The following PHACTR3 variants were observed in gnomAD, a reference collection of about 807,000 sequenced individuals.
The protein encoded by PHACTR3 is protein phosphatase 1, regulatory subunit 123.
A neutral mutation model predicts 66.8 loss-of-function variants in PHACTR3; 16 were observed. The ratio of observed to expected loss-of-function variants is 0.24; its 90% CI spans 0.16 to 0.36. The LOEUF is 0.36. Among genes scored for constraint, PHACTR3 ranks in the 10% least tolerant of loss-of-function variants. PHACTR3 has a pLI of 1.00. For missense variants in PHACTR3, 647 were observed against 719.9 expected (o/e 0.90, Z 1.16); for synonymous variants, 323 against 292.1 (o/e 1.11, Z -1.08).
chr20:59,786,450 T>A (rs778170491), intron 7 of PHACTR3, among the ~76,000 whole-genome samples: 2 of 152,156 alleles, frequency 1.3e-5, no homozygotes, highest in Admixed American at 6.5e-5. Context: ...CCTCTCTCTT[T>A]AAGATGAGCA....
chr20:59,593,799 A>T (rs1283194532), intron 1 of PHACTR3, among the ~76,000 whole-genome samples: 1 of 152,224 alleles, frequency 6.6e-6, no homozygotes, highest in African/African-American at 2.4e-5. Flanking sequence ...TTTGTCAAAA[A>T]TCAGTTGACT....
intron 8 of PHACTR3, among the ~76,000 whole-genome samples, chr20:59,814,647 C>G (rs1229779223): frequency 2.6e-5 from 4 of 152,254 alleles, no homozygotes; most frequent in Admixed American, 2.6e-4. Context: ...CCATTTTCTT[C>G]TACACTATCT....
intron 12 of PHACTR3, among the ~76,000 whole-genome samples, chr20:59,845,562 C>A (rs1360151915): frequency 6.6e-6 from 1 of 152,088 alleles, no homozygotes; most frequent in Non-Finnish European, 1.5e-5. Context: ...GTATTTAATT[C>A]CCCTCTAATA....
chr20:59,710,179 A>G (rs1229658916), intron 1 of PHACTR3, among the ~76,000 whole-genome samples: 1 of 152,170 alleles, frequency 6.6e-6, no homozygotes, highest in Non-Finnish European at 1.5e-5. Flanking sequence ...TTCTTGAATC[A>G]AAAGGCTTAT....
chr20:59,843,118 A>G (rs2059094137), intron 11 of PHACTR3, among the ~76,000 whole-genome samples: 1 of 152,100 alleles, frequency 6.6e-6, no homozygotes, highest in Admixed American at 6.5e-5. Context: ...AATCTTATTT[A>G]AAATAGGTAC....
At chr20:59,817,237 A>G (rs533384000) in intron 8 of PHACTR3, among the ~76,000 whole-genome samples, 30 of 152,362 alleles carry the variant, frequency 2.0e-4, no homozygotes, top group African/African-American at 7.2e-4. Context: ...TCAGGACCTC[A>G]GTGGCCATTG....
At chr20:59,675,141 C>T (rs145363193) in intron 1 of PHACTR3, among the ~76,000 whole-genome samples, 27 of 84,298 alleles carry the variant, frequency 3.2e-4, no homozygotes, top group Admixed American at 4.3e-4. Flanking sequence ...CCCTCTCCCT[C>T]CCTATTCTTT....
intron 1 of PHACTR3, among the ~76,000 whole-genome samples, chr20:59,607,654 C>T (rs1484178235): frequency 6.6e-6 from 1 of 152,156 alleles, no homozygotes; most frequent in Non-Finnish European, 1.5e-5. Context: ...TGAGGGGCAT[C>T]CTTTGGACTT....
Position 59,630,912 on chromosome 20 carries a change from A to T in PHACTR3, c.118+25780A>T, listed in dbSNP as rs73914750. Among the ~76,000 whole-genome samples the T allele has an allele frequency of 9.1e-3, 1,378 of 152,156 alleles. 26 individuals are homozygous for T. Among genetic ancestry groups the T allele is most frequent in the African/African-American group, 0.031 (1,286 of 41,522 alleles). On this transcript the variant is annotated intron_variant, in intron 1 of 12. Coordinates refer to ENST00000371015, the MANE Select transcript of PHACTR3 (RefSeq NM_080672.5). Reference sequence around the variant, plus strand: ...GATTCGAGGAGGAAAGTTACACCTGATGGGTAGACAGGGGTGGTTGGAGGG... The same window carrying T: ...GATTCGAGGAGGAAAGTTACACCTGTTGGGTAGACAGGGGTGGTTGGAGGG...
At chr20:59,758,887 C>T (rs1374118261) in intron 4 of PHACTR3, among the ~76,000 whole-genome samples, 2 of 152,128 alleles carry the variant, frequency 1.3e-5, no homozygotes, top group Non-Finnish European at 2.9e-5. Flanking sequence ...CTCCCAGGGT[C>T]GCTAAAATTA....
At chr20:59,613,385 G>C (rs1040622523) in intron 1 of PHACTR3, among the ~76,000 whole-genome samples, 1 of 152,190 alleles carries the variant, frequency 6.6e-6, no homozygotes, top group African/African-American at 2.4e-5. Context: ...AGGACAAAGA[G>C]GGTAGGGAGA....
rs143094844 is a variant in PHACTR3, at chr20:59,699,781, G to C, written c.119-43326G>C. 1.3e-3 allele frequency among the ~76,000 whole-genome samples: 199 copies of C among 152,236 alleles called. 1 individual carries two copies. The highest frequency in any genetic ancestry group is 4.5e-3 in the African/African-American group (188 of 41,538). ...GATCGAGACCAGCCTGGCCAACATGGTGAAACCCCATCTCTACTAAAAACA... is the reference window on the plus strand; with the variant it reads ...GATCGAGACCAGCCTGGCCAACATGCTGAAACCCCATCTCTACTAAAAACA... On this transcript the variant is annotated intron_variant, in intron 1 of 12. Coordinates refer to ENST00000371015, the MANE Select transcript of PHACTR3 (RefSeq NM_080672.5).
intron 1 of PHACTR3, among the ~76,000 whole-genome samples, chr20:59,671,370 C>T (rs954381311): frequency 3.3e-5 from 5 of 152,170 alleles, no homozygotes; most frequent in Admixed American, 3.3e-4. Context: ...CATTCTTTCT[C>T]TTATGGGTCT....
chr20:59,609,069 C>T (rs571494172), intron 1 of PHACTR3, among the ~76,000 whole-genome samples: 1 of 152,324 alleles, frequency 6.6e-6, no homozygotes, highest in East Asian at 1.9e-4. Context: ...AGGCAACTGG[C>T]CACTCCTGCC....
At chr20:59,645,076 A>T (rs1489142042) in intron 1 of PHACTR3, among the ~76,000 whole-genome samples, 1 of 151,564 alleles carries the variant, frequency 6.6e-6, no homozygotes, top group Admixed American at 6.6e-5. Context: ...GTTTGTGTGT[A>T]CTCAAGATTT....
intron 1 of PHACTR3, among the ~76,000 whole-genome samples, chr20:59,629,972 A>G (rs373682627): frequency 4.7e-4 from 72 of 152,254 alleles, no homozygotes; most frequent in African/African-American, 1.6e-3. Flanking sequence ...AAAGGAAAGA[A>G]GAAACTTTCC....
intron 1 of PHACTR3, among the ~76,000 whole-genome samples, chr20:59,636,007 C>T (rs937171402): frequency 4.6e-5 from 7 of 152,240 alleles, no homozygotes; most frequent in Admixed American, 3.3e-4. Flanking sequence ...TATGTTTCTA[C>T]AGAAAATGTT....
At chr20:59,695,724 G>C (rs1227235163) in intron 1 of PHACTR3, among the ~76,000 whole-genome samples, 1 of 144,884 alleles carries the variant, frequency 6.9e-6, no homozygotes, top group Non-Finnish European at 1.5e-5. Context: ...CTCTCTCCTA[G>C]AAGTTGTCTA....
chr20:59,640,306 C>T (rs760827304), intron 1 of PHACTR3, among the ~76,000 whole-genome samples: 20 of 152,212 alleles, frequency 1.3e-4, no homozygotes, highest in Non-Finnish European at 2.2e-4. Flanking sequence ...AACTTTCTCT[C>T]TAGTTGGGCT....
Sources: allele counts gnomAD v4.1 joint callset (sites outside exome capture counted in the v4.1 genomes callset), GRCh38; gene constraint gnomAD v4.1.1; transcripts MANE v1.5; gene names NCBI Gene and HGNC (gene_info 2026-07-23, HGNC 2026-07-21).